ARHGEF26: variants seen among roughly 807,000 people sequenced by gnomAD.
ARHGEF26 encodes Rho guanine nucleotide exchange factor 26.
Under a neutral mutation model 89.4 loss-of-function variants are expected in ARHGEF26, and 59 were observed. The observed-to-expected ratio is 0.66, with a 90% CI of 0.54 to 0.82. The LOEUF (loss-of-function observed/expected upper bound fraction) is 0.82. Ranked by LOEUF, ARHGEF26 falls within the 40% of genes least tolerant of loss-of-function variation. The pLI, the probability that ARHGEF26 is intolerant of heterozygous loss-of-function variation, is 0.00. For missense variants in ARHGEF26, 1,234 were observed against 1,085.6 expected, an observed-to-expected ratio of 1.14 and a Z score of -1.92; for synonymous variants, 500 against 428.4, an observed-to-expected ratio of 1.17 and a Z score of -2.06.
chr3:154,218,067 C>A, intron 10 of ARHGEF26, 109 bp downstream of exon 10: 1 of 1,014,464 alleles, frequency 9.9e-7, no homozygotes, highest in South Asian at 1.6e-5. Flanking sequence ...AAAGAAGGGT[C>A]ATAAATTGCT....
At chr3:154,201,667 T>C (rs1714649861) in intron 9 of ARHGEF26, among the ~76,000 whole-genome samples, 1 of 150,722 alleles carries the variant, frequency 6.6e-6, no homozygotes, top group Non-Finnish European at 1.5e-5. Context: ...CAGCACCTGT[T>C]GTTTCCTGAC....
At chr3:154,190,785 T>C (rs1713908823) in intron 7 of ARHGEF26, among the ~76,000 whole-genome samples, 1 of 152,246 alleles carries the variant, frequency 6.6e-6, no homozygotes, top group African/African-American at 2.4e-5. Context: ...TGAAAAGGTT[T>C]TCTGTCTCAG....
At chr3:154,219,473 T>C (rs1037965864) in intron 10 of ARHGEF26, among the ~76,000 whole-genome samples, 6 of 151,744 alleles carry the variant, frequency 4.0e-5, no homozygotes, top group Non-Finnish European at 7.4e-5. Context: ...CAGGCACCTG[T>C]AATCCCAGCT....
At chr3:154,193,219 C>T (rs1309477031) in intron 8 of ARHGEF26, among the ~76,000 whole-genome samples, 3 of 152,092 alleles carry the variant, frequency 2.0e-5, no homozygotes, top group Admixed American at 6.5e-5. Context: ...ATTAGTGGGC[C>T]ATAAAACTGA....
intron 3 of ARHGEF26, among the ~76,000 whole-genome samples, chr3:154,128,797 G>C (rs1718494670): frequency 6.6e-6 from 1 of 152,122 alleles, no homozygotes. Flanking sequence ...TGTCACTCCA[G>C]TGAGGCCTTC....
intron 6 of ARHGEF26, among the ~76,000 whole-genome samples, chr3:154,164,130 CTT>C (rs1302244884): frequency 6.6e-6 from 1 of 151,928 alleles, no homozygotes; most frequent in African/African-American, 2.4e-5. Flanking sequence ...TTTTTTAGGA[CTT>C]AAAGAATTTC....
In ARHGEF26 at chr3:154,124,395, T is replaced by TTTAA; in HGVS notation, c.1084-13_1084-12insAATT. 7.0e-7 allele frequency: 1 copy of TTTAA among 1,419,058 alleles called. No individual in the cohort carries two copies. Among genetic ancestry groups the TTTAA allele is most frequent in the Non-Finnish European group, 9.3e-7 (1 of 1,074,804 alleles). The allele number at this position is 1,419,058 out of a possible 1,614,324, so 87.9% of individuals were successfully genotyped here. A position where few individuals can be genotyped will look rare whatever the true frequency, so the allele number is the denominator to read the frequency against. On this transcript the variant is annotated splice_polypyrimidine_tract_variant and intron_variant, in intron 2 of 14. Coordinates refer to ENST00000465093, the MANE Select transcript of ARHGEF26 (RefSeq NM_015595.4). ...TCCTTTTTTTTTTTTTTTTTTACTTTTTTTTGTCTCTTAGAAAAAAATGCT... is the reference window on the plus strand; with the variant it reads ...TCCTTTTTTTTTTTTTTTTTTACTTTTTAATTTTTGTCTCTTAGAAAAAAATGCT...
At chr3:154,206,277 A>G (rs73160559) in intron 9 of ARHGEF26, among the ~76,000 whole-genome samples, 8,401 of 152,182 alleles carry the variant, frequency 0.055, 244 homozygotes, top group South Asian at 0.074. Flanking sequence ...GCTCCACTGT[A>G]TGTTATTTGT....
intron 9 of ARHGEF26, among the ~76,000 whole-genome samples, chr3:154,201,701 T>C (rs1319453802): frequency 6.6e-6 from 1 of 151,976 alleles, no homozygotes; most frequent in African/African-American, 2.4e-5. Flanking sequence ...CCATTCTAAC[T>C]GGTGTGAGAT....
chr3:154,169,433 C>T (rs1277162653), intron 6 of ARHGEF26, among the ~76,000 whole-genome samples: 4 of 152,010 alleles, frequency 2.6e-5, no homozygotes, highest in Non-Finnish European at 5.9e-5. Context: ...AAGGCAGTCT[C>T]TGCCTTTTCT....
chr3:154,128,991 A>G (rs1054395154), intron 3 of ARHGEF26, among the ~76,000 whole-genome samples: 4 of 152,116 alleles, frequency 2.6e-5, no homozygotes, highest in African/African-American at 9.7e-5. Context: ...AGTGTCTATT[A>G]TTGTATTTCA....
chr3:154,219,675 A>G (rs1044920217), intron 10 of ARHGEF26, among the ~76,000 whole-genome samples: 1 of 152,052 alleles, frequency 6.6e-6, no homozygotes, highest in African/African-American at 2.4e-5. Flanking sequence ...CCCAAGGATC[A>G]TTAAAAGTAA....
intron 4 of ARHGEF26, among the ~76,000 whole-genome samples, chr3:154,134,336 T>C (rs551201509): frequency 1.6e-4 from 24 of 152,254 alleles, no homozygotes; most frequent in Non-Finnish European, 3.1e-4. Flanking sequence ...CAGTCCCCTG[T>C]GTCTGGGGAG....
intron 6 of ARHGEF26, among the ~76,000 whole-genome samples, chr3:154,154,558 C>A (rs1470141989): frequency 8.5e-6 from 1 of 117,734 alleles, no homozygotes; most frequent in Admixed American, 8.8e-5. Flanking sequence ...TCCCCTCTAT[C>A]CTATTCTCTT....
At chr3:154,248,331 T>G (rs1052749699) in intron 12 of ARHGEF26, among the ~76,000 whole-genome samples, 6 of 152,040 alleles carry the variant, frequency 3.9e-5, no homozygotes, top group Admixed American at 3.3e-4. Context: ...TTGCAGGGAG[T>G]CTTTGAGCTT....
At position 154,256,621 on chromosome 3, in the gene ARHGEF26, C is replaced by T. The variant is rs534254722; in HGVS notation, c.*1148C>T. 6 of 1,102,780 alleles carry T rather than the reference C, an allele frequency of 5.4e-6. No individual in the cohort carries two copies. The highest frequency in any genetic ancestry group is 5.2e-5 in the East Asian group (1 of 19,158). The allele number at this position is 1,102,780 out of a possible 1,614,324, so 68.3% of individuals were successfully genotyped here. On this transcript the variant is annotated 3_prime_UTR_variant, in exon 15 of 15. Transcript: ENST00000465093. ...AAAAACTGACGTGAGGCTGCTTTGC[C>T]TTCAATAATACCTAGTTTTCAGCTG...
At chr3:154,156,902 C>G (rs1720370181) in intron 6 of ARHGEF26, among the ~76,000 whole-genome samples, 1 of 152,136 alleles carries the variant, frequency 6.6e-6, no homozygotes, top group Non-Finnish European at 1.5e-5. Flanking sequence ...CATTGTTTTA[C>G]TTTTACCTAA....
intron 4 of ARHGEF26, among the ~76,000 whole-genome samples, chr3:154,144,762 C>T (rs1719599954): frequency 6.6e-6 from 1 of 152,138 alleles, no homozygotes; most frequent in South Asian, 2.1e-4. Flanking sequence ...AGGCTGAGTA[C>T]TTGCTATTTC....
intron 14 of ARHGEF26, 143 bp from the exon 15 acceptor site, chr3:154,255,188 G>T: frequency 2.4e-6 from 2 of 839,034 alleles, no homozygotes; most frequent in Non-Finnish European, 3.7e-6. Context: ...ATTCCCCCTC[G>T]AAAGCTTTCC....
Sources: gnomAD v4.1 joint callset for allele counts (sites outside exome capture counted in the v4.1 genomes callset) on GRCh38, gnomAD v4.1.1 for gene constraint, MANE v1.5 for transcripts, NCBI Gene and HGNC (gene_info 2026-07-23, HGNC 2026-07-21) for gene names.